Variants in THSD7A observed in about 807,000 individuals in gnomAD.
The protein encoded by THSD7A is thrombospondin type 1 domain containing 7A.
THSD7A carries 96 observed loss-of-function variants against 231.3 expected under a neutral mutation model. The ratio of observed to expected loss-of-function variants is 0.41; its 90% confidence interval spans 0.35 to 0.49. THSD7A has a LOEUF of 0.49. Among genes scored for constraint, THSD7A ranks in the 20% least tolerant of loss-of-function variants. The probability of loss-of-function intolerance (pLI) is 0.05; values close to 1 mark genes in which losing one functional copy is unlikely to be tolerated. For synonymous variants in THSD7A, 940 were observed against 743.3 expected (o/e 1.26, Z -4.30); for missense variants, 2,290 against 2,070.2 (o/e 1.11, Z -2.06).
At chr7:11,753,188 CTCTT>C (rs910078846) in intron 1 of THSD7A, among the ~76,000 whole-genome samples, 1 of 151,950 alleles carries the variant, frequency 6.6e-6, no homozygotes, top group African/African-American at 2.4e-5. Flanking sequence ...TTAAAATTGT[CTCTT>C]TAATCAATTT....
chr7:11,711,369 C>A lies in THSD7A; in HGVS notation c.191-74408G>T, dbSNP rs966473258. On this transcript the variant is annotated intron_variant, in intron 1 of 27. Transcript: ENST00000423059. The stretch of plus-strand genomic sequence containing the variant: ...TGCCGATTATTTGTTGTGTCAATGC[C>A]CCCAAGTTAACATGGCATTCCTATC... Among the ~76,000 whole-genome samples the A allele has an allele frequency of 6.0e-5, 9 of 150,884 alleles. No individual in the cohort carries two copies. In the Admixed American group the frequency reaches 6.0e-4, roughly 10 times the overall value.
chr7:11,432,307 A>T (rs73676000), intron 13 of THSD7A, among the ~76,000 whole-genome samples: 1 of 152,276 alleles, frequency 6.6e-6, no homozygotes, highest in African/African-American at 2.4e-5. Context: ...GATTTCTGGC[A>T]TATCTTTTTA....
intron 1 of THSD7A, among the ~76,000 whole-genome samples, chr7:11,724,560 C>T (rs991446730): frequency 1.3e-5 from 2 of 151,760 alleles, no homozygotes; most frequent in South Asian, 2.1e-4. Context: ...CGCACACATA[C>T]CCCCACACCT....
At chr7:11,640,646 A>T (rs367673010) in intron 1 of THSD7A, among the ~76,000 whole-genome samples, 3 of 152,136 alleles carry the variant, frequency 2.0e-5, no homozygotes, top group Non-Finnish European at 4.4e-5. Context: ...ACGGGTGTCA[A>T]CTATAGTATT....
intron 6 of THSD7A, among the ~76,000 whole-genome samples, chr7:11,499,810 T>C (rs1165769884): frequency 6.6e-6 from 1 of 152,164 alleles, no homozygotes; most frequent in Non-Finnish European, 1.5e-5. Context: ...CTGCGAAGTA[T>C]GGGATTATGT....
chr7:11,603,265 A>C (rs1227805975), intron 2 of THSD7A, among the ~76,000 whole-genome samples: 2 of 151,520 alleles, frequency 1.3e-5, no homozygotes, highest in Non-Finnish European at 3.0e-5. Context: ...CAGCCAAAAA[A>C]CACATGAAAA....
At chr7:11,513,009 T>C (rs2128313854) in intron 6 of THSD7A, among the ~76,000 whole-genome samples, 1 of 142,924 alleles carries the variant, frequency 7.0e-6, no homozygotes, top group East Asian at 2.0e-4. Flanking sequence ...GCATTTGCCA[T>C]GACCTGGATG....
chr7:11,407,554 G>A lies in THSD7A; in HGVS notation c.3799-131C>T, dbSNP rs1583684007. The A allele has an allele frequency of 7.6e-6, 5 of 660,742 alleles. No individual in the cohort carries two copies. The East Asian group carries it at 1.4e-4, about 18-fold the overall frequency. The allele number at this position is 660,742 out of a possible 1,614,324, so 40.9% of individuals were successfully genotyped here. A position where few individuals can be genotyped will look rare whatever the true frequency, so the allele number is the denominator to read the frequency against. On this transcript the variant is annotated intron_variant, in intron 19 of 27. Transcript: ENST00000423059. ...TAAGAGAATAAAATGTTACCTGGAG[G>A]ACAAACATCCAAACTATTGAAAGTA...
intron 1 of THSD7A, among the ~76,000 whole-genome samples, chr7:11,664,029 C>T (rs985847710): frequency 6.9e-6 from 1 of 145,322 alleles, no homozygotes; most frequent in Non-Finnish European, 1.6e-5. Context: ...CTCCAACTTG[C>T]TGGGATCTTT....
intron 4 of THSD7A, among the ~76,000 whole-genome samples, chr7:11,567,266 C>CT (rs1348200930): frequency 6.6e-6 from 1 of 151,478 alleles, no homozygotes; most frequent in East Asian, 1.9e-4. Context: ...AAGACACTTC[C>CT]CCCTCAAGGC....
chr7:11,520,498 G>T (rs1788218429), intron 6 of THSD7A, among the ~76,000 whole-genome samples: 1 of 151,930 alleles, frequency 6.6e-6, no homozygotes, highest in African/African-American at 2.4e-5. Flanking sequence ...CTGTACACAT[G>T]CCACCAGGAT....
chr7:11,541,346 A>T (rs1789137920), intron 6 of THSD7A, 73 bp downstream of exon 6: 2 of 1,429,776 alleles, frequency 1.4e-6, no homozygotes, highest in East Asian at 2.3e-5. Context: ...AAGACACAGG[A>T]TTTTAACAGA....
chr7:11,516,062 T>A (rs923499172), intron 6 of THSD7A, among the ~76,000 whole-genome samples: 1 of 152,206 alleles, frequency 6.6e-6, no homozygotes, highest in Non-Finnish European at 1.5e-5. Flanking sequence ...GATTTTTCCG[T>A]TTTCCTTTCT....
chr7:11,653,573 G>A (rs78937583), intron 1 of THSD7A, among the ~76,000 whole-genome samples: 9,674 of 150,684 alleles, frequency 0.064, 349 homozygotes, highest in East Asian at 0.14. Context: ...ATCATAGCAC[G>A]TTACATCCTG....
chr7:11,756,849 T>G (rs879502435), intron 1 of THSD7A, among the ~76,000 whole-genome samples: 1 of 152,080 alleles, frequency 6.6e-6, no homozygotes, highest in Non-Finnish European at 1.5e-5. Context: ...AACAGCATTT[T>G]GTTTTAAAGA....
chr7:11,671,218 T>G (rs1397713753), intron 1 of THSD7A, among the ~76,000 whole-genome samples: 1 of 152,200 alleles, frequency 6.6e-6, no homozygotes, highest in African/African-American at 2.4e-5. Context: ...ATCTTCAAAG[T>G]GAGATGGAAA....
chr7:11,654,089 G>A (rs1176709369), intron 1 of THSD7A, among the ~76,000 whole-genome samples: 1 of 151,888 alleles, frequency 6.6e-6, no homozygotes, highest in African/African-American at 2.4e-5. Context: ...TCTAAAAGAA[G>A]AATCTCTGAT....
At chr7:11,817,535 T>G (rs533808302) in intron 1 of THSD7A, among the ~76,000 whole-genome samples, 1 of 152,116 alleles carries the variant, frequency 6.6e-6, no homozygotes, top group Admixed American at 6.5e-5. Context: ...GACATTCATA[T>G]GCAGATCCAA....
At chr7:11,470,028 T>G (rs746600277) in intron 8 of THSD7A, 34 bp from the exon 9 acceptor site, 1 of 1,371,772 alleles carries the variant, frequency 7.3e-7, no homozygotes, top group Non-Finnish European at 1.0e-6. Context: ...TAGGCTTCAA[T>G]AGTAAAGCAG....
Sources: gnomAD v4.1 joint callset for allele counts (sites outside exome capture counted in the v4.1 genomes callset) on GRCh38, gnomAD v4.1.1 for gene constraint, MANE v1.5 for transcripts, NCBI Gene and HGNC (gene_info 2026-07-23, HGNC 2026-07-21) for gene names.